CDH4: variants seen among roughly 807,000 people sequenced by gnomAD.
CDH4 encodes the protein cadherin 4.
Under a neutral mutation model 86.0 loss-of-function variants are expected in CDH4, and 33 were observed. The ratio of observed to expected loss-of-function variants is 0.38; its 90% CI spans 0.29 to 0.51. The LOEUF (loss-of-function observed/expected upper bound fraction) is 0.51. Among genes scored for constraint, CDH4 ranks in the 20% least tolerant of loss-of-function variants. The pLI is 0.86. For synonymous variants in CDH4, 555 were observed against 549.4 expected, an observed-to-expected ratio of 1.01 and a Z score of -0.14; for missense variants, 1,114 against 1,307.4, an observed-to-expected ratio of 0.85 and a Z score of 2.28.
intron 2 of CDH4, among the ~76,000 whole-genome samples, chr20:61,667,605 G>T (rs2087341242): frequency 6.6e-6 from 1 of 152,208 alleles, no homozygotes; most frequent in Non-Finnish European, 1.5e-5. Flanking sequence ...ACCCTGGGAG[G>T]TGATGGCCCA....
intron 2 of CDH4, among the ~76,000 whole-genome samples, chr20:61,405,884 G>A (rs1286813134): frequency 2.0e-5 from 3 of 152,110 alleles, no homozygotes; most frequent in African/African-American, 7.2e-5. Context: ...GTTTCACCGT[G>A]TTAGCCAAGA....
intron 2 of CDH4, among the ~76,000 whole-genome samples, chr20:61,255,480 A>G: frequency 6.6e-6 from 1 of 152,254 alleles, no homozygotes; most frequent in East Asian, 1.9e-4. Flanking sequence ...TTCAAAACTC[A>G]GATGACAGTA....
chr20:61,335,980 TCA>T (rs758831688), intron 2 of CDH4, among the ~76,000 whole-genome samples: 4 of 152,172 alleles, frequency 2.6e-5, no homozygotes, highest in Non-Finnish European at 5.9e-5. Context: ...GCGGCCCACA[TCA>T]TGATCACCTC....
intron 2 of CDH4, among the ~76,000 whole-genome samples, chr20:61,383,171 A>C (rs1380372997): frequency 1.1e-5 from 1 of 88,674 alleles, no homozygotes; most frequent in African/African-American, 5.7e-5. Flanking sequence ...ATATATATGA[A>C]TATATTTATG....
intron 2 of CDH4, among the ~76,000 whole-genome samples, chr20:61,367,561 C>A (rs978668638): frequency 1.3e-5 from 2 of 152,028 alleles, no homozygotes; most frequent in African/African-American, 2.4e-5. Flanking sequence ...GGGGCTTCCA[C>A]TGACCCAACC....
chr20:61,699,470 G>A (rs1421591111), intron 2 of CDH4, among the ~76,000 whole-genome samples: 1 of 152,180 alleles, frequency 6.6e-6, no homozygotes. Flanking sequence ...GTTCACCGTG[G>A]GTAAGCAACC....
At chr20:61,344,261 GC>G (rs1203654850) in intron 2 of CDH4, among the ~76,000 whole-genome samples, 2 of 152,136 alleles carry the variant, frequency 1.3e-5, no homozygotes, top group African/African-American at 4.8e-5. Context: ...GATGGGTTCA[GC>G]TGTAAGGCTT....
chr20:61,498,627 C>T (rs1197610710), intron 2 of CDH4, among the ~76,000 whole-genome samples: 1 of 152,158 alleles, frequency 6.6e-6, no homozygotes, highest in Non-Finnish European at 1.5e-5. Flanking sequence ...AAAAAACACA[C>T]GTAGTTTAAC....
chr20:61,514,264 T>A (rs1306940157), intron 2 of CDH4, among the ~76,000 whole-genome samples: 2 of 151,932 alleles, frequency 1.3e-5, no homozygotes, highest in African/African-American at 4.8e-5. Flanking sequence ...TCAGGAAGAA[T>A]TTTGGAACAA....
intron 2 of CDH4, among the ~76,000 whole-genome samples, chr20:61,387,928 A>T (rs1441014848): frequency 6.6e-6 from 1 of 151,970 alleles, no homozygotes; most frequent in Admixed American, 6.5e-5. Flanking sequence ...TTGCTTTCTA[A>T]TGCAGTTTCA....
intron 2 of CDH4, among the ~76,000 whole-genome samples, chr20:61,477,467 A>G (rs935578544): frequency 2.0e-5 from 3 of 152,232 alleles, no homozygotes; most frequent in African/African-American, 7.2e-5. Flanking sequence ...ACGAAGTCTC[A>G]TGATGGGTAG....
intron 2 of CDH4, among the ~76,000 whole-genome samples, chr20:61,276,318 A>G (rs186992967): frequency 7.4e-4 from 112 of 152,232 alleles, no homozygotes; most frequent in African/African-American, 2.6e-3. Context: ...AACTCAACAT[A>G]TTTCCAGGGG....
chr20:61,610,640 C>T (rs118004052), intron 2 of CDH4, among the ~76,000 whole-genome samples: 8,147 of 152,220 alleles, frequency 0.054, 347 homozygotes, highest in Non-Finnish European at 0.08. Context: ...CTCCCCTTTC[C>T]CTGCCTCCTT....
chr20:61,936,659 G>T, intron 15 of CDH4, 78 bp from the exon 16 acceptor site: 1 of 1,220,280 alleles, frequency 8.2e-7, no homozygotes, highest in African/African-American at 1.6e-5. Context: ...CTTCTTCTGG[G>T]CCTCGCTTTC....
In CDH4 at chr20:61,708,896, AT is replaced by A. The variant is rs1349005289; in HGVS notation, c.170-34663del. On this transcript the variant is annotated intron_variant, in intron 2 of 15. Coordinates refer to ENST00000614565, the MANE Select transcript of CDH4 (RefSeq NM_001794.5). This position sits in a 1 kb window ranked among gnomAD's most constrained non-coding sequence, Gnocchi z 4.5. ...TTTCCTGGTAATTTAGTTCTATCGTATTTTACAAAGTATCAGCTTGTGACAG... is the reference window on the plus strand; with the variant it reads ...TTTCCTGGTAATTTAGTTCTATCGTATTTACAAAGTATCAGCTTGTGACAG... 1.3e-5 allele frequency among the ~76,000 whole-genome samples: 2 copies of A among 152,204 alleles called. No homozygotes were observed. Among genetic ancestry groups the A allele is most frequent in the African/African-American group, 4.8e-5 (2 of 41,456 alleles).
intron 1 of CDH4, among the ~76,000 whole-genome samples, chr20:61,253,810 A>T (rs1252246871): frequency 1.3e-5 from 2 of 151,892 alleles, no homozygotes; most frequent in Admixed American, 1.3e-4. Flanking sequence ...GAGTCGAAGC[A>T]TGGGCGGGCG....
At chr20:61,716,840 A>G (rs559827827) in intron 2 of CDH4, among the ~76,000 whole-genome samples, 124 of 152,304 alleles carry the variant, frequency 8.1e-4, no homozygotes, top group Non-Finnish European at 1.4e-3. Context: ...CCTGGGAGGC[A>G]GAGGTTGCAG....
intron 2 of CDH4, among the ~76,000 whole-genome samples, chr20:61,340,165 G>T (rs1707784437): frequency 1.3e-5 from 2 of 152,172 alleles, no homozygotes; most frequent in African/African-American, 2.4e-5. Flanking sequence ...AAGGGGACTG[G>T]AGTGAAGGGA....
intron 8 of CDH4, among the ~76,000 whole-genome samples, chr20:61,899,473 G>C (rs1985283725): frequency 6.6e-6 from 1 of 152,120 alleles, no homozygotes; most frequent in Non-Finnish European, 1.5e-5. Flanking sequence ...TGTCGCCCAG[G>C]CTGGAGTGCA....
Sources: gnomAD v4.1 joint callset for allele counts (sites outside exome capture counted in the v4.1 genomes callset) on GRCh38, gnomAD v4.1.1 for gene constraint, Gnocchi (gnomAD v3.1) non-coding constraint, MANE v1.5 for transcripts, NCBI Gene and HGNC (gene_info 2026-07-23, HGNC 2026-07-21) for gene names.